Variants in CMIP observed in about 807,000 individuals in gnomAD.
CMIP encodes C-Maf-inducing protein.
A neutral mutation model predicts 97.3 loss-of-function variants in CMIP; 13 were observed. The observed-to-expected ratio is 0.13, with a 90% confidence interval of 0.09 to 0.21. The LOEUF (loss-of-function observed/expected upper bound fraction) is 0.21, where lower values mean the gene tolerates loss of function less well. Among genes scored for constraint, CMIP ranks in the 10% least tolerant of loss-of-function variants. The pLI is 1.00. For synonymous variants in CMIP, 538 were observed against 436.3 expected (o/e 1.23, Z -2.91); for missense variants, 847 against 1,024.9 (o/e 0.83, Z 2.37).
chr16:81,486,289 C>T (rs2089312796), intron 1 of CMIP, among the ~76,000 whole-genome samples: 1 of 152,058 alleles, frequency 6.6e-6, no homozygotes, highest in Non-Finnish European at 1.5e-5. Context: ...CAAACATGCG[C>T]ACTCTGTGTT....
chr16:81,604,934 A>G (rs927180559), intron 1 of CMIP, among the ~76,000 whole-genome samples: 1 of 152,174 alleles, frequency 6.6e-6, no homozygotes, highest in African/African-American at 2.4e-5. Flanking sequence ...GAAATTAGTA[A>G]TCACCTCCTA....
intron 1 of CMIP, among the ~76,000 whole-genome samples, chr16:81,549,189 G>C (rs376891495): frequency 6.6e-6 from 1 of 152,370 alleles, no homozygotes; most frequent in South Asian, 2.1e-4. Flanking sequence ...CAGGTTGCAG[G>C]ATGAGGAGGG....
intron 1 of CMIP, among the ~76,000 whole-genome samples, chr16:81,591,114 C>G (rs1373414954): frequency 6.6e-6 from 1 of 152,238 alleles, no homozygotes; most frequent in Non-Finnish European, 1.5e-5. Flanking sequence ...ATAGCAGATT[C>G]AAATCCTGGC....
At chr16:81,664,986 G>A (rs2092588007) in intron 7 of CMIP, 1 of 152,828 alleles carries the variant, frequency 6.5e-6, no homozygotes, top group Non-Finnish European at 1.5e-5. Flanking sequence ...CACGGTCAAG[G>A]TCATCAAAAA....
At chr16:81,667,783 AGAGAGAGAGAGAGAGAGT>A (rs1157265894) in intron 7 of CMIP, among the ~76,000 whole-genome samples, 12 of 122,558 alleles carry the variant, frequency 9.8e-5, no homozygotes, top group Admixed American at 8.6e-4. Flanking sequence ...AGAGAGAGAG[AGAGAGAGAGAGAGAGAGT>A]GTGTGTGTGT....
chr16:81,582,688 C>G (rs1271250357), intron 1 of CMIP, among the ~76,000 whole-genome samples: 1 of 152,166 alleles, frequency 6.6e-6, no homozygotes, highest in Non-Finnish European at 1.5e-5. Context: ...GCATTCCCAG[C>G]AGGGCCTCGC....
At chr16:81,570,945 G>A (rs543961307) in intron 1 of CMIP, among the ~76,000 whole-genome samples, 2 of 152,126 alleles carry the variant, frequency 1.3e-5, no homozygotes, top group African/African-American at 2.4e-5. Context: ...CCATGGGGTC[G>A]TGAAACAGAA....
chr16:81,522,259 C>T (rs113112772), intron 1 of CMIP, among the ~76,000 whole-genome samples: 84 of 152,286 alleles, frequency 5.5e-4, no homozygotes, highest in Admixed American at 2.2e-3. Context: ...GTGGGTTGGG[C>T]CCTGTCATCA....
At chr16:81,533,847 A>T (rs977035215) in intron 1 of CMIP, 2 of 152,320 alleles carry the variant, frequency 1.3e-5, no homozygotes, top group African/African-American at 2.4e-5. Flanking sequence ...GGTGGAGTCC[A>T]TGCAGGGCCG....
chr16:81,705,631 G>T (rs764243519), intron 19 of CMIP, 27 bp downstream of exon 19: 9 of 1,450,950 alleles, frequency 6.2e-6, no homozygotes, highest in Non-Finnish European at 6.6e-6. Flanking sequence ...CAGCTGGGGG[G>T]TGAGGGGCCG....
intron 2 of CMIP, among the ~76,000 whole-genome samples, chr16:81,610,763 CT>C (rs960503535): frequency 2.0e-5 from 3 of 152,170 alleles, no homozygotes; most frequent in Non-Finnish European, 4.4e-5. Context: ...CACTTGGCCC[CT>C]GGTGTGGTAC....
chr16:81,447,508 C>G (rs892712921), intron 1 of CMIP, among the ~76,000 whole-genome samples: 1 of 152,158 alleles, frequency 6.6e-6, no homozygotes, highest in Non-Finnish European at 1.5e-5. Context: ...TAGCCAGAGG[C>G]CCCTCGCTCA....
intron 3 of CMIP, among the ~76,000 whole-genome samples, chr16:81,636,996 C>T (rs926755904): frequency 1.1e-4 from 17 of 152,196 alleles, no homozygotes; most frequent in Admixed American, 1.0e-3. Flanking sequence ...TTTTTAACTG[C>T]TGTTTGCTGT....
intron 1 of CMIP, among the ~76,000 whole-genome samples, chr16:81,551,636 T>C (rs1380184436): frequency 6.6e-6 from 1 of 152,198 alleles, no homozygotes. Context: ...CCGTTTTCTC[T>C]CCACACTGTC....
In CMIP at chr16:81,585,592, C is replaced by G. The variant is rs77805351; in HGVS notation, c.301-21975C>G. ...TTCTGAAACCCTTTGTATCAGGCTT[C>G]TTTGATTTAGGATCACATTTTCAAG... is the stretch of plus-strand genomic sequence containing the variant. On this transcript the variant is annotated intron_variant, in intron 1 of 20. Coordinates refer to ENST00000537098, the MANE Select transcript of CMIP (RefSeq NM_198390.3). Among the ~76,000 whole-genome samples the G allele has an allele frequency of 4.3e-3, 661 of 152,282 alleles. 7 individuals carry two copies. The highest frequency in any genetic ancestry group is 0.014 in the African/African-American group (594 of 41,556).
intron 1 of CMIP, among the ~76,000 whole-genome samples, chr16:81,599,274 G>A (rs1198210673): frequency 6.6e-6 from 1 of 152,174 alleles, no homozygotes; most frequent in African/African-American, 2.4e-5. Flanking sequence ...ACCAGGGGAG[G>A]GAGAGTGTGA....
chr16:81,606,481 G>T (rs576486698), intron 1 of CMIP, among the ~76,000 whole-genome samples: 2 of 152,102 alleles, frequency 1.3e-5, no homozygotes, highest in East Asian at 1.9e-4. Context: ...TGTATCCCTC[G>T]GTCACCTGGT....
chr16:81,519,065 C>G (rs143533931), intron 1 of CMIP: 1 of 152,322 alleles, frequency 6.6e-6, no homozygotes, highest in East Asian at 1.9e-4. Flanking sequence ...GTACTCCTGA[C>G]CTTGTGATCC....
chr16:81,568,386 C>G (rs2091022585), intron 1 of CMIP, among the ~76,000 whole-genome samples: 1 of 152,164 alleles, frequency 6.6e-6, no homozygotes, highest in Admixed American at 6.5e-5. Context: ...TGCCCCCAAC[C>G]CCCATGTGAG....
Sources: gnomAD v4.1 joint callset for allele counts (sites outside exome capture counted in the v4.1 genomes callset) on GRCh38, gnomAD v4.1.1 for gene constraint, MANE v1.5 for transcripts, NCBI Gene and HGNC (gene_info 2026-07-23, HGNC 2026-07-21) for gene names.